The following SLC8A1 variants were observed in gnomAD, a reference collection of about 807,000 sequenced individuals.
SLC8A1 encodes the protein solute carrier family 8 member A1, also known as sodium/calcium exchanger 1.
SLC8A1 carries 18 observed loss-of-function variants against 68.3 expected under a neutral mutation model. The observed-to-expected ratio is 0.26, with a 90% CI of 0.18 to 0.39. The LOEUF (loss-of-function observed/expected upper bound fraction) is 0.39. Ranked by LOEUF, SLC8A1 falls within the 10% of genes least tolerant of loss-of-function variation. The probability of loss-of-function intolerance (pLI) is 1.00; values close to 1 mark genes in which losing one functional copy is unlikely to be tolerated. For missense variants in SLC8A1, 985 were observed against 1,156.7 expected (o/e 0.85, Z 2.15); for synonymous variants, 475 against 415.5 (o/e 1.14, Z -1.74).
At chr2:40,449,897 A>T (rs1269397556) in intron 1 of SLC8A1, among the ~76,000 whole-genome samples, 17 of 151,814 alleles carry the variant, frequency 1.1e-4, no homozygotes, top group Admixed American at 7.2e-4. Flanking sequence ...TCATTTTTTT[A>T]AAAAAAGACA....
intron 1 of SLC8A1, among the ~76,000 whole-genome samples, chr2:40,511,622 T>C (rs1706731516): frequency 6.6e-6 from 1 of 152,092 alleles, no homozygotes; most frequent in Non-Finnish European, 1.5e-5. Context: ...AAAACATCAC[T>C]GATGACAAAA....
chr2:40,323,900 T>C (rs996275445), intron 2 of SLC8A1, among the ~76,000 whole-genome samples: 3 of 152,126 alleles, frequency 2.0e-5, no homozygotes, highest in Non-Finnish European at 2.9e-5. Flanking sequence ...AGGAGTTTAA[T>C]TGTAAAAAAA....
chr2:40,510,149 A>T (rs1007014654), intron 1 of SLC8A1, among the ~76,000 whole-genome samples: 2 of 151,842 alleles, frequency 1.3e-5, no homozygotes, highest in African/African-American at 2.4e-5. Flanking sequence ...TTTATTTATT[A>T]TTTTTTTACG....
intron 2 of SLC8A1, among the ~76,000 whole-genome samples, chr2:40,386,449 T>C (rs1327819546): frequency 6.6e-6 from 1 of 150,930 alleles, no homozygotes; most frequent in Non-Finnish European, 1.5e-5. Context: ...TTTTACATTA[T>C]TTAATCTCAC....
At chr2:40,101,112 C>T (rs1003112387) in exon 8 of SLC8A1, 1 of 152,066 alleles carries the variant, frequency 6.6e-6, no homozygotes, top group African/African-American at 2.4e-5. Flanking sequence ...AGTTCCTTTT[C>T]CTAAGCCATT....
At chr2:40,450,720 T>G (rs1392303848) in intron 1 of SLC8A1, among the ~76,000 whole-genome samples, 1 of 152,202 alleles carries the variant, frequency 6.6e-6, no homozygotes, top group East Asian at 1.9e-4. Context: ...TCACAACCAC[T>G]AGTAGCTGAC....
chr2:40,449,650 G>A (rs1702075568), intron 1 of SLC8A1, among the ~76,000 whole-genome samples: 2 of 146,580 alleles, frequency 1.4e-5, no homozygotes, highest in Admixed American at 6.9e-5. Flanking sequence ...AAACGTTACA[G>A]TAGGAACCAC....
intron 1 of SLC8A1, among the ~76,000 whole-genome samples, chr2:40,498,163 CACA>C (rs1705830015): frequency 6.6e-6 from 1 of 151,932 alleles, no homozygotes; most frequent in African/African-American, 2.4e-5. Flanking sequence ...CAGTTTAAAT[CACA>C]ACATGTTAAA....
chr2:40,438,857 T>C (rs531924342), intron 1 of SLC8A1, among the ~76,000 whole-genome samples: 1 of 152,252 alleles, frequency 6.6e-6, no homozygotes, highest in African/African-American at 2.4e-5. Flanking sequence ...GACCACCCTT[T>C]GTGAAGTGTA....
At chr2:40,383,053 T>A (rs1466537405) in intron 2 of SLC8A1, among the ~76,000 whole-genome samples, 2 of 152,104 alleles carry the variant, frequency 1.3e-5, no homozygotes, top group African/African-American at 4.8e-5. Flanking sequence ...AGGTACCCAA[T>A]GATAAAACAC....
chr2:40,368,192 G>GA (rs981765938), intron 2 of SLC8A1, among the ~76,000 whole-genome samples: 1 of 152,024 alleles, frequency 6.6e-6, no homozygotes, highest in Non-Finnish European at 1.5e-5. Flanking sequence ...CTCATGGTTT[G>GA]ATGGTGAACC....
At chr2:40,152,608 G>A (rs1558541272) in intron 6 of SLC8A1, among the ~76,000 whole-genome samples, 3 of 150,644 alleles carry the variant, frequency 2.0e-5, no homozygotes, top group South Asian at 2.1e-4. Context: ...TAGAGACAGA[G>A]TTTCGCCGTG....
chr2:40,211,230 A>G (rs574359585), intron 2 of SLC8A1, among the ~76,000 whole-genome samples: 1 of 152,224 alleles, frequency 6.6e-6, no homozygotes, highest in Non-Finnish European at 1.5e-5. Flanking sequence ...TCTGAAACTC[A>G]TGTACGTTGG....
intron 2 of SLC8A1, among the ~76,000 whole-genome samples, chr2:40,354,466 G>A (rs1305363432): frequency 5.3e-5 from 8 of 152,154 alleles, no homozygotes; most frequent in Non-Finnish European, 1.0e-4. Context: ...GGGACTAAAT[G>A]GGGGTGGTTG....
intron 6 of SLC8A1, among the ~76,000 whole-genome samples, chr2:40,151,041 A>T (rs2043322580): frequency 6.6e-6 from 1 of 152,168 alleles, no homozygotes; most frequent in African/African-American, 2.4e-5. Flanking sequence ...TCCTCTTAGG[A>T]TCATCATTAT....
intron 2 of SLC8A1, among the ~76,000 whole-genome samples, chr2:40,207,629 A>AATAAT (rs953534966): frequency 6.6e-6 from 1 of 152,144 alleles, no homozygotes; most frequent in Admixed American, 6.6e-5. Context: ...AGAAGATGAA[A>AATAAT]ATAATATAAA....
At chr2:40,165,743 G>A (rs1488851299) in intron 4 of SLC8A1, among the ~76,000 whole-genome samples, 1 of 152,144 alleles carries the variant, frequency 6.6e-6, no homozygotes, top group Non-Finnish European at 1.5e-5. Flanking sequence ...TACAGTCCAG[G>A]AGAGGACGGT....
Position 40,241,815 on chromosome 2 carries a change from G to C in SLC8A1, c.1809-63960C>G, listed in dbSNP as rs867397906. Among the ~76,000 whole-genome samples the C allele has an allele frequency of 2.0e-5, 3 of 152,032 alleles. No individual in the cohort carries two copies. The South Asian group carries it at 6.2e-4, about 32-fold the overall frequency. ...AGGACTATGAGCTTTTTCACCATAAGCATTGCCTATTTGTTCCAATCTAGT... is the reference window on the plus strand; with the variant it reads ...AGGACTATGAGCTTTTTCACCATAACCATTGCCTATTTGTTCCAATCTAGT... On this transcript the variant is annotated intron_variant, in intron 2 of 7. Transcript: ENST00000406785.
chr2:40,267,359 G>A (rs368030040), intron 2 of SLC8A1, among the ~76,000 whole-genome samples: 3 of 152,284 alleles, frequency 2.0e-5, no homozygotes, highest in African/African-American at 7.2e-5. Flanking sequence ...TACTTAGTGA[G>A]TAAGCTTGTA....
Sources: allele counts gnomAD v4.1 joint callset (sites outside exome capture counted in the v4.1 genomes callset), GRCh38; gene constraint gnomAD v4.1.1; transcripts MANE v1.5; gene names NCBI Gene and HGNC (gene_info 2026-07-23, HGNC 2026-07-21).